Variants in SLC25A34 observed in about 807,000 individuals in gnomAD.
SLC25A34 encodes solute carrier family 25 member 34.
Under a neutral mutation model 28.1 loss-of-function variants are expected in SLC25A34, and 26 were observed. The ratio of observed to expected loss-of-function variants is 0.93; its 90% CI spans 0.68 to 1.28. The LOEUF is 1.28. SLC25A34 is among the 50% of genes most tolerant of loss of function. SLC25A34 has a pLI of 0.00. For synonymous variants in SLC25A34, 182 were observed against 182.2 expected, an observed-to-expected ratio of 1.00 and a Z score of 0.01; for missense variants, 384 against 409.8, an observed-to-expected ratio of 0.94 and a Z score of 0.54.
At position 15,738,632 on chromosome 1, in the gene SLC25A34, G is replaced by A; in HGVS notation, c.636G>A (p.Gly212=). 6.2e-7 allele frequency: 1 copy of A among 1,609,660 alleles called. No homozygotes were observed. The highest frequency in any genetic ancestry group is 8.5e-7 in the Non-Finnish European group (1 of 1,179,130). Reference sequence around the variant, plus strand: ...ACAGCTGGCTGGTGGCCCTGGCTGGGGGCATGATCAGCAGCATAGCCGTGG... The same window carrying A: ...ACAGCTGGCTGGTGGCCCTGGCTGGAGGCATGATCAGCAGCATAGCCGTGG... ...PEDSWLVALA[G]GMISSIAVVV... The change falls in exon 4 of 5, where the codon GGG becomes GGA. Residue 212 remains glycine, a synonymous_variant. Coordinates refer to ENST00000294454, the MANE Select transcript of SLC25A34 (RefSeq NM_207348.3).
rs1483038860 is a variant in SLC25A34 at position 15,736,494 on chromosome 1, G to A, written c.9G>A (p.Thr3=). The change falls in exon 1 of 5, where the codon ACG becomes ACA. Residue 3 remains threonine, a synonymous_variant. Transcript: ENST00000294454. ME[T]VPPAVDLVLG... Reference sequence around the variant, plus strand: ...CCACTGGCCCGGAGGCCATGGAGACGGTGCCCCCAGCAGTGGACCTGGTGC... The same window carrying A: ...CCACTGGCCCGGAGGCCATGGAGACAGTGCCCCCAGCAGTGGACCTGGTGC... 25 of 1,445,982 alleles carry A rather than the reference G, an allele frequency of 1.7e-5. No homozygotes were observed. The Admixed American group carries it at 2.3e-4, about 13-fold the overall frequency. The allele number at this position is 1,445,982 out of a possible 1,614,324, so 89.6% of individuals were successfully genotyped here.
Position 15,737,986 on chromosome 1 carries a change from A to C in SLC25A34, c.436A>C (p.Asn146His). ...CGCAGTGGCCGTGGGACACCAGCAC[A>C]ATCACCAGGTGAGGCCTGCCACTCT... is the stretch of plus-strand genomic sequence containing the variant. ...VAAVAVGHQH[N>H]HQTVLGALET... is the part of the protein sequence containing the mutation. The change falls in exon 2 of 5, where the codon AAT (asparagine) becomes CAT (histidine). Residue 146 changes from asparagine to histidine, a missense_variant. Coordinates refer to ENST00000294454, the MANE Select transcript of SLC25A34 (RefSeq NM_207348.3). The C allele has an allele frequency of 6.2e-7, 1 of 1,613,642 alleles. No individual in the cohort carries two copies. The highest frequency in any genetic ancestry group is 2.2e-5 in the East Asian group (1 of 44,886).
chr1:15,738,193 C>A lies in SLC25A34; in HGVS notation c.545C>A (p.Ala182Asp). The change falls in exon 3 of 5, where the codon GCT becomes GAT. Residue 182 changes from alanine to aspartate, a missense_variant. By Grantham distance (126) the Ala-to-Asp change is moderately radical (BLOSUM62 -2). Coordinates refer to ENST00000294454, the MANE Select transcript of SLC25A34 (RefSeq NM_207348.3). Reference protein sequence around the residue: ...GAVPRVMVGSAAQLATFASAK... With the variant: ...GAVPRVMVGSDAQLATFASAK... The stretch of plus-strand genomic sequence containing the variant: ...GTGCCCCGAGTCATGGTGGGCTCAG[C>A]TGCCCAGCTGGCCACCTTCGCCTCT... 1.2e-6 allele frequency: 2 copies of A among 1,605,432 alleles called. No homozygotes were observed. The highest frequency in any genetic ancestry group is 1.7e-6 in the Non-Finnish European group (2 of 1,175,990).
chr1:15,737,214 A>G (rs2068233351), intron 1 of SLC25A34, among the ~76,000 whole-genome samples: 1 of 152,184 alleles, frequency 6.6e-6, no homozygotes, highest in Non-Finnish European at 1.5e-5. Flanking sequence ...CCTCGTGTGC[A>G]CTCTGCAGGG....
rs1311688193 is a variant in SLC25A34 at position 15,736,380 on chromosome 1, C to T, written c.-106C>T. 2 of 1,273,052 alleles carry T rather than the reference C, an allele frequency of 1.6e-6. No individual in the cohort carries two copies. The highest frequency in any genetic ancestry group is 3.0e-5 in the East Asian group (1 of 32,812). The allele number at this position is 1,273,052 out of a possible 1,614,324, so 78.9% of individuals were successfully genotyped here. On this transcript the variant is annotated 5_prime_UTR_variant, in exon 1 of 5. Coordinates refer to ENST00000294454, the MANE Select transcript of SLC25A34 (RefSeq NM_207348.3). ...AGACATGGCCTCGGTCCCCTGCAAA[C>T]CCCAGCCCCGTAGCCCTGCGAGGTT...
Position 15,739,301 on chromosome 1 carries a change from C to T in SLC25A34, c.810C>T (p.Gly270=), listed in dbSNP as rs1413268626. 1 of 1,611,324 alleles carries T rather than the reference C, an allele frequency of 6.2e-7. No individual in the cohort carries two copies. The highest frequency in any genetic ancestry group is 8.5e-7 in the Non-Finnish European group (1 of 1,179,092). The stretch of plus-strand genomic sequence containing the variant: ...AGGGCCCCCTGGCACTCTACAAGGG[C>T]CTGGGCCCCGCCTACCTGCGCCTGG... ...RQEGPLALYK[G]LGPAYLRLGP... Residue 270 remains glycine, a synonymous_variant, in exon 5 of 5, where the codon GGC becomes GGT. Transcript: ENST00000294454.
rs756564600 is a variant in SLC25A34 at position 15,738,008 on chromosome 1, C to T, written c.444+14C>T. On this transcript the variant is annotated intron_variant, in intron 2 of 4. Transcript: ENST00000294454. ...CACAATCACCAGGTGAGGCCTGCCACTCTCAGAGCTCCCTGGGGGCATGGA... is the reference window on the plus strand; with the variant it reads ...CACAATCACCAGGTGAGGCCTGCCATTCTCAGAGCTCCCTGGGGGCATGGA... The T allele has an allele frequency of 6.2e-7, 1 of 1,613,996 alleles. No individual in the cohort carries two copies. The highest frequency in any genetic ancestry group is 8.5e-7 in the Non-Finnish European group (1 of 1,180,032).
At chr1:15,739,066 C>A in intron 4 of SLC25A34, 158 bp from the exon 5 acceptor site, 1 of 951,882 alleles carries the variant, frequency 1.1e-6, no homozygotes, top group Non-Finnish European at 1.5e-6. Flanking sequence ...GGCCTGACCC[C>A]ACAGCCTTCC....
rs201053751 is a variant in SLC25A34, at chr1:15,737,946, A to C, written c.396A>C (p.Gln132His). ...SPAYLIKTQL[Q>H]AQTVAAVAVG... ...TCCCATAGATCAAAACGCAGCTGCA[A>C]GCTCAGACAGTGGCCGCAGTGGCCG... The change falls in exon 2 of 5, where the codon CAA becomes CAC. Residue 132 changes from glutamine to histidine, a missense_variant. By Grantham distance (24) the Gln-to-His change is conservative. Coordinates refer to ENST00000294454, the MANE Select transcript of SLC25A34 (RefSeq NM_207348.3). The C allele has an allele frequency of 8.7e-6, 14 of 1,614,076 alleles. No homozygotes were observed. The East Asian group carries it at 2.9e-4, about 33-fold the overall frequency.
rs575347162 is a variant in SLC25A34 at position 15,736,838 on chromosome 1, C to A, written c.353C>A (p.Ala118Asp). Residue 118 changes from alanine (A) to aspartate (D), a missense_variant, in exon 1 of 5, where the codon GCC (alanine) becomes GAC (aspartate). Transcript: ENST00000294454. ...GGAGCCGTGGCGGGGGCACTGGGAG[C>A]CTTCGTGGGGAGCCCTGCTTACCTG... ...VAGAVAGALGAFVGSPAYLIK... is the reference protein window; with the variant it reads ...VAGAVAGALGDFVGSPAYLIK... 2 of 1,581,804 alleles carry A rather than the reference C, an allele frequency of 1.3e-6. No individual in the cohort carries two copies. Among genetic ancestry groups the A allele is most frequent in the East Asian group, 2.3e-5 (1 of 44,226 alleles).
In SLC25A34 at chr1:15,738,804, TCTCACACA is replaced by T. The variant is rs1292614076; in HGVS notation, c.732+84_732+91del. The T allele has an allele frequency of 1.2e-5, 15 of 1,270,736 alleles. No individual in the cohort carries two copies. The East Asian group carries it at 2.0e-4, about 17-fold the overall frequency. The allele number at this position is 1,270,736 out of a possible 1,614,324, so 78.7% of individuals were successfully genotyped here. Reference sequence around the variant, plus strand: ...CCAACACACACACACACACACACACTCTCACACACTCACACTCACACATGCACAGCCAG... The same window carrying T: ...CCAACACACACACACACACACACACTCTCACACTCACACATGCACAGCCAG... On this transcript the variant is annotated intron_variant, in intron 4 of 4. Transcript: ENST00000294454.
intron 4 of SLC25A34, 87 bp downstream of exon 4, chr1:15,738,815 CA>C: frequency 2.5e-5 from 33 of 1,312,364 alleles, no homozygotes; most frequent in Non-Finnish European, 2.9e-5. Context: ...CTCACACACT[CA>C]CACTCACACA....
At position 15,736,737 on chromosome 1, in the gene SLC25A34, T is replaced by C. The variant is rs2148388367; in HGVS notation, c.252T>C (p.Asn84=). The C allele has an allele frequency of 6.2e-7, 1 of 1,609,010 alleles. No homozygotes were observed. The highest frequency in any genetic ancestry group is 1.1e-5 in the South Asian group (1 of 90,962). The change falls in exon 1 of 5, where the codon AAT becomes AAC. Residue 84 remains asparagine, a synonymous_variant. Transcript: ENST00000294454. ...AAGLLYQGLM[N]GVRFYCYSLA... is the part of the protein sequence containing the mutation. ...GCCTTCTGTACCAAGGCCTCATGAA[T>C]GGCGTTCGTTTCTACTGCTACAGCC... is the stretch of plus-strand genomic sequence containing the variant.
Position 15,738,001 on chromosome 1 carries a change from C to A in SLC25A34, c.444+7C>A. The A allele has an allele frequency of 6.2e-7, 1 of 1,613,938 alleles. No homozygotes were observed. Among genetic ancestry groups the A allele is most frequent in the Non-Finnish European group, 8.5e-7 (1 of 1,180,026 alleles). On this transcript the variant is annotated splice_region_variant and intron_variant, in intron 2 of 4. Transcript: ENST00000294454. ...ACACCAGCACAATCACCAGGTGAGGCCTGCCACTCTCAGAGCTCCCTGGGG... is the reference window on the plus strand; with the variant it reads ...ACACCAGCACAATCACCAGGTGAGGACTGCCACTCTCAGAGCTCCCTGGGG...
intron 1 of SLC25A34, among the ~76,000 whole-genome samples, chr1:15,737,307 G>A (rs551223569): frequency 7.0e-4 from 107 of 152,262 alleles, no homozygotes; most frequent in African/African-American, 2.4e-3. Context: ...AGTGGCTCAC[G>A]CCTGTAATCC....
At chr1:15,738,818 AC>A in intron 4 of SLC25A34, 90 bp downstream of exon 4, 2 of 1,392,104 alleles carry the variant, frequency 1.4e-6, no homozygotes, top group Non-Finnish European at 1.9e-6. Context: ...ACACACTCAC[AC>A]TCACACATGC....
Position 15,736,381 on chromosome 1 carries a change from C to T in SLC25A34, c.-105C>T, listed in dbSNP as rs1327358988. 1 of 1,277,772 alleles carries T rather than the reference C, an allele frequency of 7.8e-7. No homozygotes were observed. Among genetic ancestry groups the T allele is most frequent in the Non-Finnish European group, 1.0e-6 (1 of 998,652 alleles). 79.2% of individuals were successfully genotyped at this position (1,277,772 alleles called of 1,614,324 possible). A position where few individuals can be genotyped will look rare whatever the true frequency, so the allele number is the denominator to read the frequency against. ...GACATGGCCTCGGTCCCCTGCAAAC[C>T]CCAGCCCCGTAGCCCTGCGAGGTTA... On this transcript the variant is annotated 5_prime_UTR_variant, in exon 1 of 5. Coordinates refer to ENST00000294454, the MANE Select transcript of SLC25A34 (RefSeq NM_207348.3).
Position 15,740,400 on chromosome 1 carries a change from C to T in SLC25A34, c.*994C>T, listed in dbSNP as rs1339163989. On this transcript the variant is annotated 3_prime_UTR_variant, in exon 5 of 5. Coordinates refer to ENST00000294454, the MANE Select transcript of SLC25A34 (RefSeq NM_207348.3). ...TCAAGCAATTCTCCTGCCCCAGCCT[C>T]CTGAGTAGCTGGGATTACAGGTGTG... The T allele has an allele frequency of 6.6e-6, 1 of 152,066 alleles. No homozygotes were observed. The highest frequency in any genetic ancestry group is 2.4e-5 in the African/African-American group (1 of 41,376). The allele number at this position is 152,066 out of a possible 1,614,324, so 9.4% of individuals were successfully genotyped here.
Position 15,737,916 on chromosome 1 carries a change from T to C in SLC25A34, c.379-13T>C, listed in dbSNP as rs937592. ...GCTCCATCCCCACACCCGTGTCCTC[T>C]CTGCTCCCATAGATCAAAACGCAGC... On this transcript the variant is annotated splice_polypyrimidine_tract_variant and intron_variant, in intron 1 of 4. Coordinates refer to ENST00000294454, the MANE Select transcript of SLC25A34 (RefSeq NM_207348.3). 0.23 allele frequency: 363,977 copies of C among 1,613,550 alleles called. 43,121 individuals carry two copies. Among genetic ancestry groups the C allele is most frequent in the African/African-American group, 0.39 (28,912 of 74,914 alleles).
Sources: gnomAD v4.1 joint callset for allele counts (sites outside exome capture counted in the v4.1 genomes callset) on GRCh38, gnomAD v4.1.1 for gene constraint, MANE v1.5 for transcripts, NCBI Gene and HGNC (gene_info 2026-07-23, HGNC 2026-07-21) for gene names.